CHID1: variants seen among roughly 807,000 people sequenced by gnomAD.
CHID1 encodes chitinase domain-containing protein 1.
Under a neutral mutation model 55.4 loss-of-function variants are expected in CHID1, and 44 were observed. That is an observed-to-expected ratio of 0.79 (90% CI 0.62 to 1.02). CHID1 has a LOEUF of 1.02. Among genes scored for constraint, CHID1 ranks in the 50% least tolerant of loss-of-function variants. CHID1 has a pLI of 0.00. For missense variants in CHID1, 491 were observed against 515.3 expected, an observed-to-expected ratio of 0.95 and a Z score of 0.46; for synonymous variants, 216 against 212.9, an observed-to-expected ratio of 1.01 and a Z score of -0.13.
chr11:908,008 G>C (rs1379252574), intron 1 of CHID1, among the ~76,000 whole-genome samples: 19 of 152,314 alleles, frequency 1.2e-4, no homozygotes, highest in Admixed American at 4.6e-4. Flanking sequence ...GGTGAGACTG[G>C]TGCTCCTGGT....
At chr11:910,569 A>T in intron 1 of CHID1, 2 of 1,135,884 alleles carry the variant, frequency 1.8e-6, no homozygotes, top group Non-Finnish European at 2.2e-6. Context: ...TCGCTCTCAT[A>T]GCAACCCTCT....
At chr11:907,529 G>C (rs988103661) in intron 1 of CHID1, among the ~76,000 whole-genome samples, 7 of 152,144 alleles carry the variant, frequency 4.6e-5, no homozygotes, top group African/African-American at 1.7e-4. Context: ...TGGGGTTGGG[G>C]GCAGCGGCGG....
Position 893,474 on chromosome 11 carries a change from C to G in CHID1, c.654G>C (p.Gln218His). The G allele has an allele frequency of 6.4e-7, 1 of 1,551,994 alleles. No homozygotes were observed. The highest frequency in any genetic ancestry group is 8.7e-7 in the Non-Finnish European group (1 of 1,147,324). Residue 218 changes from glutamine to histidine, a missense_variant, in exon 8 of 13, where the codon CAG becomes CAC. Physicochemically the swap from Gln to His is conservative, Grantham distance 24. Coordinates refer to ENST00000323578, the MANE Select transcript of CHID1 (RefSeq NM_023947.4). The part of the protein sequence containing the change: ...MLTHLAEALH[Q>H]ARLLALLVIP... Reference sequence around the variant, plus strand: ...TGACCAGGAGGGCCAGCAGCCGGGCCTGGTGCAGAGCCTCGGCCAAGTGGG... The same window carrying G: ...TGACCAGGAGGGCCAGCAGCCGGGCGTGGTGCAGAGCCTCGGCCAAGTGGG...
At chr11:894,874 A>G (rs34360522) in intron 7 of CHID1, among the ~76,000 whole-genome samples, 78,937 of 152,106 alleles carry the variant, frequency 0.52, 20,894 homozygotes, top group South Asian at 0.77. Context: ...ACATGGCCCA[A>G]GTGGGACTGT....
chr11:894,277 G>A (rs1287994572), intron 7 of CHID1, among the ~76,000 whole-genome samples: 9 of 152,172 alleles, frequency 5.9e-5, no homozygotes, highest in Admixed American at 5.2e-4. Context: ...GCACCGGGCA[G>A]GGCAGGAGAC....
chr11:885,589 T>C (rs945919582), intron 8 of CHID1, among the ~76,000 whole-genome samples: 1 of 152,130 alleles, frequency 6.6e-6, no homozygotes, highest in African/African-American at 2.4e-5. Context: ...GTGGCCTCCC[T>C]CAGTGCCTGG....
chr11:884,816 C>T (rs1254467678), intron 8 of CHID1, among the ~76,000 whole-genome samples: 3 of 152,344 alleles, frequency 2.0e-5, no homozygotes, highest in East Asian at 3.9e-4. Flanking sequence ...GCGGAGGAAG[C>T]GGCCCTGTTC....
chr11:893,313 G>A, intron 8 of CHID1, 114 bp downstream of exon 8: 1 of 779,620 alleles, frequency 1.3e-6, no homozygotes, highest in South Asian at 1.8e-5. Context: ...CAGACGGGAT[G>A]AGGTTTGGGT....
At position 900,125 on chromosome 11, in the gene CHID1, GAC is replaced by G. The variant is rs1851699897; in HGVS notation, c.440-17_440-16del. ...GAGCCGAGGCACTGCAGGGGCAACA[GAC>G]ACACACGGGGGCCGTGACTGGGAGA... is the stretch of plus-strand genomic sequence containing the variant. On this transcript the variant is annotated splice_polypyrimidine_tract_variant and intron_variant, in intron 5 of 12. Coordinates refer to ENST00000323578, the MANE Select transcript of CHID1 (RefSeq NM_023947.4). 5 of 1,596,752 alleles carry G rather than the reference GAC, an allele frequency of 3.1e-6. No individual in the cohort carries two copies. The Admixed American group carries it at 6.7e-5, about 21-fold the overall frequency.
At chr11:870,090 C>T (rs1305912767) in intron 12 of CHID1, 31 bp downstream of exon 12, 6 of 1,611,728 alleles carry the variant, frequency 3.7e-6, no homozygotes, top group Non-Finnish European at 4.2e-6. Flanking sequence ...GCCCACCCCT[C>T]CCCCGGTCCC....
chr11:905,024 G>A (rs1033478236), intron 1 of CHID1, among the ~76,000 whole-genome samples, 165 bp from the exon 2 acceptor site: 28 of 152,116 alleles, frequency 1.8e-4, no homozygotes, highest in South Asian at 2.1e-4. Flanking sequence ...CAGCCCTGGC[G>A]GCCACAGTCT....
intron 8 of CHID1, 48 bp from the exon 9 acceptor site, chr11:884,217 A>G (rs1850229345): frequency 2.7e-6 from 4 of 1,472,238 alleles, no homozygotes; most frequent in Non-Finnish European, 2.8e-6. Context: ...CCCTGCCTGA[A>G]GCCCCTCCCC....
intron 2 of CHID1, among the ~76,000 whole-genome samples, chr11:904,410 G>A (rs1040205878): frequency 1.3e-5 from 2 of 152,216 alleles, no homozygotes; most frequent in African/African-American, 2.4e-5. Context: ...ATAAACGAGA[G>A]GTAGAGCATG....
intron 1 of CHID1, among the ~76,000 whole-genome samples, chr11:906,364 G>A (rs551870208): frequency 5.3e-5 from 8 of 151,668 alleles, no homozygotes; most frequent in South Asian, 4.2e-4. Context: ...TCAGCCTCCC[G>A]AGTAGCTGGG....
At chr11:884,229 G>T in intron 8 of CHID1, 60 bp from the exon 9 acceptor site, 1 of 1,389,972 alleles carries the variant, frequency 7.2e-7, no homozygotes, top group Non-Finnish European at 1.0e-6. Flanking sequence ...CCCCTCCCCA[G>T]CTGCGGTTCG....
chr11:882,100 G>T (rs919053012), intron 10 of CHID1, among the ~76,000 whole-genome samples: 3 of 152,192 alleles, frequency 2.0e-5, no homozygotes, highest in Non-Finnish European at 2.9e-5. Flanking sequence ...GCCAAGGTGG[G>T]CGGATCATGA....
chr11:878,748 C>T (rs1039433573), intron 10 of CHID1, among the ~76,000 whole-genome samples: 3 of 151,790 alleles, frequency 2.0e-5, no homozygotes, highest in Admixed American at 6.6e-5. Flanking sequence ...GTTGCCCAGG[C>T]TGGAGTGCAA....
rs1452299184 is a variant in CHID1, at chr11:869,591, G to A, written c.*267C>T. The A allele has an allele frequency of 3.5e-6, 2 of 566,030 alleles. No homozygotes were observed. Among genetic ancestry groups the A allele is most frequent in the African/African-American group, 1.9e-5 (1 of 53,180 alleles). 35.1% of individuals were successfully genotyped at this position (566,030 alleles called of 1,614,324 possible). On this transcript the variant is annotated 3_prime_UTR_variant, in exon 13 of 13. Transcript: ENST00000323578. ...GCTGTCCTGGTGGGGCAGGTACTGTGGGCCCCGCCTGCCCAGCTGACAGGA... is the reference window on the plus strand; with the variant it reads ...GCTGTCCTGGTGGGGCAGGTACTGTAGGCCCCGCCTGCCCAGCTGACAGGA...
At chr11:893,316 G>C in intron 8 of CHID1, 111 bp downstream of exon 8, 1 of 819,558 alleles carries the variant, frequency 1.2e-6, no homozygotes, top group Non-Finnish European at 2.0e-6. Flanking sequence ...ACGGGATGAG[G>C]TTTGGGTGCT....
Sources: allele counts gnomAD v4.1 joint callset (sites outside exome capture counted in the v4.1 genomes callset), GRCh38; gene constraint gnomAD v4.1.1; transcripts MANE v1.5; gene names NCBI Gene and HGNC (gene_info 2026-07-23, HGNC 2026-07-21).